Variants in SLC25A48 observed in about 807,000 individuals in gnomAD.
The protein encoded by SLC25A48 is CTC-321K16.1.
In SLC25A48, 29 loss-of-function variants were observed where a neutral mutation model predicts 32.2. The observed-to-expected ratio is 0.90, with a 90% CI of 0.67 to 1.23. The LOEUF (loss-of-function observed/expected upper bound fraction) is 1.23, where lower values mean the gene tolerates loss of function less well. Among genes scored for constraint, SLC25A48 ranks in the 50% most tolerant of loss-of-function variants. The probability of loss-of-function intolerance (pLI) is 0.00; values close to 1 mark genes in which losing one functional copy is unlikely to be tolerated. For synonymous variants in SLC25A48, 164 were observed against 172.3 expected (o/e 0.95, Z 0.38); for missense variants, 399 against 422.7 (o/e 0.94, Z 0.49).
chr5:135,885,277 C>A (rs1581075581), intron 7 of SLC25A48, among the ~76,000 whole-genome samples: 1 of 152,288 alleles, frequency 6.6e-6, no homozygotes, highest in East Asian at 1.9e-4. Flanking sequence ...CAGTGCCAGG[C>A]ATACAATGGG....
rs752731193 is a variant in SLC25A48 at position 135,653,767 on chromosome 5, G to A, written c.-521+18811G>A. ...GCTGAAAGCAGTGAGAGCAAAATCA[G>A]TAGGCCATGTCCATGATGGGTGGCC... On this transcript the variant is annotated intron_variant, in intron 3 of 10. Transcript: ENST00000646290. 182 of 455,698 alleles carry A rather than the reference G, an allele frequency of 4.0e-4. 1 individual carries two copies. The highest frequency in any genetic ancestry group is 6.5e-4 in the Non-Finnish European group (148 of 226,598). 28.2% of individuals were successfully genotyped at this position (455,698 alleles called of 1,614,324 possible). A position where few individuals can be genotyped will look rare whatever the true frequency, so the allele number is the denominator to read the frequency against.
At chr5:135,678,992 G>A (rs957327876) in intron 3 of SLC25A48, among the ~76,000 whole-genome samples, 3 of 152,158 alleles carry the variant, frequency 2.0e-5, no homozygotes, top group Admixed American at 2.0e-4. Flanking sequence ...CATAAGTCCA[G>A]GTGGGTTAGT....
intron 3 of SLC25A48, among the ~76,000 whole-genome samples, chr5:135,788,692 G>GAGT (rs398072611): frequency 2.7e-5 from 4 of 150,198 alleles, no homozygotes; most frequent in South Asian, 2.1e-4. Context: ...TAATATCCAG[G>GAGT]GGGGGAAGAG....
At chr5:135,792,647 G>A (rs184884766) in intron 3 of SLC25A48, among the ~76,000 whole-genome samples, 14 of 151,704 alleles carry the variant, frequency 9.2e-5, no homozygotes, top group South Asian at 2.1e-4. Context: ...TAACATCCCC[G>A]GGAGATATTC....
rs1050596192 is a variant in SLC25A48 at position 135,846,519 on chromosome 5, T to C, written c.91-3906T>C. ...GGCAGGCCAGGCAGTGGCTCAGCTC[T>C]GAGCTCTGAGGCTTCAGCCACCTCA... is the stretch of plus-strand genomic sequence containing the variant. On this transcript the variant is annotated intron_variant, in intron 2 of 7. Transcript: ENST00000681962. 1.9e-4 allele frequency among the ~76,000 whole-genome samples: 29 copies of C among 152,224 alleles called. 2 individuals carry two copies. The highest frequency in any genetic ancestry group is 1.9e-3 in the Admixed American group (29 of 15,290).
At chr5:135,586,445 T>C (rs1751367907) in intron 1 of SLC25A48, among the ~76,000 whole-genome samples, 2 of 152,248 alleles carry the variant, frequency 1.3e-5, no homozygotes, top group South Asian at 4.1e-4. Flanking sequence ...ACTTGTGGCC[T>C]GTATTTTAAC....
chr5:135,742,897 G>T (rs1169215450), intron 3 of SLC25A48, among the ~76,000 whole-genome samples: 2 of 133,858 alleles, frequency 1.5e-5, no homozygotes, highest in Admixed American at 1.7e-4. Context: ...TTTGCGTATA[G>T]TAATGGTCTC....
intron 3 of SLC25A48, among the ~76,000 whole-genome samples, chr5:135,726,708 G>A (rs927598029): frequency 9.2e-5 from 14 of 152,164 alleles, no homozygotes; most frequent in African/African-American, 1.2e-4. Flanking sequence ...CTGTTTAACC[G>A]TTCACCCACT....
chr5:135,605,868 A>G (rs1173402281), intron 1 of SLC25A48, among the ~76,000 whole-genome samples: 2 of 152,186 alleles, frequency 1.3e-5, no homozygotes, highest in Non-Finnish European at 2.9e-5. Context: ...CTGGCTTGGG[A>G]AGGTATTGTC....
chr5:135,707,184 T>C (rs1301798702), intron 3 of SLC25A48, among the ~76,000 whole-genome samples: 3 of 152,148 alleles, frequency 2.0e-5, no homozygotes, highest in Admixed American at 6.5e-5. Context: ...CTGTTGGGCA[T>C]GGCCCTGTGT....
intron 3 of SLC25A48, among the ~76,000 whole-genome samples, chr5:135,709,320 C>A (rs1754597665): frequency 6.6e-6 from 1 of 152,222 alleles, no homozygotes; most frequent in Non-Finnish European, 1.5e-5. Context: ...TCCAACCCCA[C>A]CCAAGTCCTA....
At chr5:135,752,632 G>A (rs188480735) in intron 3 of SLC25A48, among the ~76,000 whole-genome samples, 18 of 152,234 alleles carry the variant, frequency 1.2e-4, no homozygotes, top group Admixed American at 3.3e-4. Flanking sequence ...TACACACAGT[G>A]TGATATTAGG....
At chr5:135,731,571 A>G (rs776126485) in intron 3 of SLC25A48, among the ~76,000 whole-genome samples, 1 of 152,150 alleles carries the variant, frequency 6.6e-6, no homozygotes, top group Non-Finnish European at 1.5e-5. Context: ...ATTTTGTGGT[A>G]AGGGCAATAT....
intron 1 of SLC25A48, among the ~76,000 whole-genome samples, chr5:135,835,499 T>C (rs773601942): frequency 6.6e-6 from 1 of 152,096 alleles, no homozygotes; most frequent in Non-Finnish European, 1.5e-5. Flanking sequence ...CCGGGCACTG[T>C]TGGGTCTGCT....
chr5:135,835,914 C>T (rs1758468049), intron 1 of SLC25A48, among the ~76,000 whole-genome samples: 2 of 150,672 alleles, frequency 1.3e-5, no homozygotes, highest in African/African-American at 2.4e-5. Flanking sequence ...AGAGGTGGCT[C>T]CTTTCACCTT....
At chr5:135,883,027 TAGA>T in intron 7 of SLC25A48, 1 of 985,364 alleles carries the variant, frequency 1.0e-6, no homozygotes, top group Non-Finnish European at 1.2e-6. Context: ...AGACTCCCGT[TAGA>T]AGATGTTCTT....
intron 4 of SLC25A48, among the ~76,000 whole-genome samples, chr5:135,820,043 T>C (rs963380184): frequency 1.3e-5 from 2 of 151,550 alleles, no homozygotes; most frequent in African/African-American, 4.8e-5. Context: ...AACATACACT[T>C]ACCATGTGAT....
intron 3 of SLC25A48, among the ~76,000 whole-genome samples, chr5:135,759,275 T>G (rs1254493364): frequency 6.6e-6 from 1 of 152,170 alleles, no homozygotes; most frequent in African/African-American, 2.4e-5. Context: ...ATTTTCCACA[T>G]AACAAATGCT....
intron 3 of SLC25A48, among the ~76,000 whole-genome samples, chr5:135,797,157 C>A (rs1757205225): frequency 6.6e-6 from 1 of 151,816 alleles, no homozygotes; most frequent in Non-Finnish European, 1.5e-5. Flanking sequence ...TTCCTAATAT[C>A]CAGGGGTGAA....
Sources: allele counts gnomAD v4.1 joint callset (sites outside exome capture counted in the v4.1 genomes callset), GRCh38; gene constraint gnomAD v4.1.1; transcripts MANE v1.5; gene names NCBI Gene and HGNC (gene_info 2026-07-23, HGNC 2026-07-21).